CDC123: variants seen among roughly 807,000 people sequenced by gnomAD.
The protein encoded by CDC123 is cell division cycle 123.
Under a neutral mutation model 54.4 loss-of-function variants are expected in CDC123, and 37 were observed. That is an observed-to-expected ratio of 0.68 (90% CI 0.52 to 0.89). CDC123 has a LOEUF of 0.89. Among genes scored for constraint, CDC123 ranks in the 40% least tolerant of loss-of-function variants. The probability of loss-of-function intolerance (pLI) is 0.00; values close to 1 mark genes in which losing one functional copy is unlikely to be tolerated. For synonymous variants in CDC123, 144 were observed against 136.8 expected, an observed-to-expected ratio of 1.05 and a Z score of -0.37; for missense variants, 361 against 412.1, an observed-to-expected ratio of 0.88 and a Z score of 1.07.
chr10:12,246,725 A>C (rs1201296231), intron 11 of CDC123: 1 of 154,264 alleles, frequency 6.5e-6, no homozygotes, highest in African/African-American at 2.4e-5. Context: ...TCCTCTCAGC[A>C]GATGATTTAA....
At chr10:12,223,612 A>T (rs991630334) in intron 6 of CDC123, among the ~76,000 whole-genome samples, 8 of 152,330 alleles carry the variant, frequency 5.3e-5, no homozygotes, top group African/African-American at 1.7e-4. Flanking sequence ...GTCCACAAAA[A>T]ATAGCATGTC....
rs1262430778 is a variant in CDC123, at chr10:12,196,238, G to C, written c.-8G>C. 7 of 1,613,838 alleles carry C rather than the reference G, an allele frequency of 4.3e-6. No homozygotes were observed. Among genetic ancestry groups the C allele is most frequent in the African/African-American group, 1.3e-5 (1 of 74,914 alleles). On this transcript the variant is annotated 5_prime_UTR_variant, in exon 1 of 13. Transcript: ENST00000281141. ...AGAGGGAAAGGCAGCAGCGGCGGCAGCTGGAGGATGAAGAAGGAGCATGTG... is the reference window on the plus strand; with the variant it reads ...AGAGGGAAAGGCAGCAGCGGCGGCACCTGGAGGATGAAGAAGGAGCATGTG...
chr10:12,237,697 G>A (rs1032651922), intron 9 of CDC123, among the ~76,000 whole-genome samples: 4 of 152,168 alleles, frequency 2.6e-5, no homozygotes, highest in Admixed American at 6.5e-5. Context: ...GCCTCACAGT[G>A]TGCTGGGATT....
chr10:12,219,505 C>T (rs187531565), intron 6 of CDC123, among the ~76,000 whole-genome samples: 1 of 152,186 alleles, frequency 6.6e-6, no homozygotes, highest in African/African-American at 2.4e-5. Context: ...GTTGTGTTGG[C>T]ACAGGTGTTG....
chr10:12,218,530 C>T (rs1455297764), intron 6 of CDC123, among the ~76,000 whole-genome samples: 8 of 152,172 alleles, frequency 5.3e-5, no homozygotes, highest in South Asian at 2.1e-4. Flanking sequence ...TGAGCCACCA[C>T]GCCAAGCCTG....
At chr10:12,233,059 G>A (rs1301111602) in intron 7 of CDC123, among the ~76,000 whole-genome samples, 1 of 151,976 alleles carries the variant, frequency 6.6e-6, no homozygotes, top group Non-Finnish European at 1.5e-5. Context: ...CTTTCTCTGA[G>A]GCACAGTCTT....
Position 12,230,982 on chromosome 10 carries a change from T to A in CDC123, c.475T>A (p.Cys159Ser). Residue 159 changes from cysteine to serine, a missense_variant, in exon 7 of 13, where the codon TGT becomes AGT. Transcript: ENST00000281141. ...IHCTDDSPDP[C>S]IEYELVLRKW... ...TTGTACTGATGATTCTCCAGATCCATGTATAGAATATGAGGTAAGAAGCTT... is the reference window on the plus strand; with the variant it reads ...TTGTACTGATGATTCTCCAGATCCAAGTATAGAATATGAGGTAAGAAGCTT... 1 of 1,611,096 alleles carries A rather than the reference T, an allele frequency of 6.2e-7. No individual in the cohort carries two copies. Among genetic ancestry groups the A allele is most frequent in the Non-Finnish European group, 8.5e-7 (1 of 1,178,782 alleles).
At chr10:12,229,024 C>T (rs944155084) in intron 6 of CDC123, among the ~76,000 whole-genome samples, 6 of 152,150 alleles carry the variant, frequency 3.9e-5, no homozygotes, top group Non-Finnish European at 7.4e-5. Context: ...CTGCCCCCTC[C>T]CTTTCAGTGA....
Position 12,237,242 on chromosome 10 carries a change from C to T in CDC123, c.664C>T (p.Gln222Ter). 1.3e-6 allele frequency: 2 copies of T among 1,574,676 alleles called. No homozygotes were observed. The highest frequency in any genetic ancestry group is 1.7e-6 in the Non-Finnish European group (2 of 1,167,616). ...CIQDFFKKHIQYKFLDEDFVF... is the reference protein window; with the variant it reads ...CIQDFFKKHI ...ACAAGACTTTTTCAAGAAACACATA[C>T]AGTACAAATTCTTAGATGAAGACTG... The change falls in exon 9 of 13, where the codon CAG (glutamine) becomes TAG (stop). Residue 222 changes from glutamine to a stop codon, truncating the protein, a stop_gained. Coordinates refer to ENST00000281141, the MANE Select transcript of CDC123 (RefSeq NM_006023.3). LOFTEE classifies it high-confidence loss of function.
chr10:12,239,753 A>G (rs2131763870), intron 10 of CDC123, among the ~76,000 whole-genome samples: 1 of 150,896 alleles, frequency 6.6e-6, no homozygotes, highest in Non-Finnish European at 1.5e-5. Flanking sequence ...TCACACCTGT[A>G]ATCCCAGCAC....
intron 7 of CDC123, among the ~76,000 whole-genome samples, chr10:12,234,175 A>C (rs543726440): frequency 1.3e-5 from 2 of 152,200 alleles, no homozygotes; most frequent in East Asian, 3.9e-4. Context: ...GCTCACTGCA[A>C]CCTCCGCTTC....
intron 6 of CDC123, among the ~76,000 whole-genome samples, chr10:12,229,247 A>C (rs1255223518): frequency 1.3e-5 from 2 of 152,216 alleles, no homozygotes; most frequent in Non-Finnish European, 2.9e-5. Context: ...ACCTGTGAAC[A>C]CAGTGATATT....
intron 6 of CDC123, among the ~76,000 whole-genome samples, chr10:12,229,954 G>A (rs896886247): frequency 6.6e-6 from 1 of 150,884 alleles, no homozygotes; most frequent in Admixed American, 6.6e-5. Context: ...CAACAAGAAC[G>A]TGGACAATGA....
chr10:12,208,168 T>C (rs139506953), intron 2 of CDC123, among the ~76,000 whole-genome samples: 177 of 152,342 alleles, frequency 1.2e-3, no homozygotes, highest in South Asian at 2.7e-3. Flanking sequence ...AATCTTCCTT[T>C]TCCTTTTCTT....
chr10:12,196,289 AC>A lies in CDC123; in HGVS notation c.47del (p.Pro16ArgfsTer19). The A allele has an allele frequency of 3.7e-6, 6 of 1,613,726 alleles. No homozygotes were observed. The highest frequency in any genetic ancestry group is 5.1e-6 in the Non-Finnish European group (6 of 1,179,818). On this transcript the variant is annotated frameshift_variant, in exon 1 of 13. Coordinates refer to ENST00000281141, the MANE Select transcript of CDC123 (RefSeq NM_006023.3). LOFTEE classifies it high-confidence loss of function. ...CTTCACTGCCAGTTCTCCGCGTGGT[AC>A]CCGTTCTTCCGAGGCGTTACCATCA... ...HVLHCQFSAWYPFFRGVTIKS... is the reference protein window; with the variant it reads ...HVLHCQFSAWXPFFRGVTIKS...
chr10:12,220,327 G>A (rs1220483385), intron 6 of CDC123, among the ~76,000 whole-genome samples: 1 of 152,188 alleles, frequency 6.6e-6, no homozygotes, highest in African/African-American at 2.4e-5. Flanking sequence ...TGATGTTCCA[G>A]TGGATGGTAT....
In CDC123 at chr10:12,230,981, A is replaced by G. The variant is rs370301516; in HGVS notation, c.474A>G (p.Pro158=). ...FIHCTDDSPD[P]CIEYELVLRK... ...ATTGTACTGATGATTCTCCAGATCC[A>G]TGTATAGAATATGAGGTAAGAAGCT... The change falls in exon 7 of 13, where the codon CCA becomes CCG. Residue 158 remains proline, a synonymous_variant. Transcript: ENST00000281141. 3.7e-6 allele frequency: 6 copies of G among 1,611,156 alleles called. No individual in the cohort carries two copies. Among genetic ancestry groups the G allele is most frequent in the Non-Finnish European group, 4.2e-6 (5 of 1,178,830 alleles).
At chr10:12,222,208 A>G (rs1835746078) in intron 6 of CDC123, among the ~76,000 whole-genome samples, 1 of 152,252 alleles carries the variant, frequency 6.6e-6, no homozygotes, top group Admixed American at 6.5e-5. Flanking sequence ...GGAATCCTGG[A>G]GGGTAGACAG....
At chr10:12,242,379 T>C (rs1474592225) in intron 10 of CDC123, among the ~76,000 whole-genome samples, 3 of 152,214 alleles carry the variant, frequency 2.0e-5, no homozygotes, top group Non-Finnish European at 4.4e-5. Context: ...CAAAATACCC[T>C]GCACATTGCC....
Sources: gnomAD v4.1 joint callset for allele counts (sites outside exome capture counted in the v4.1 genomes callset) on GRCh38, gnomAD v4.1.1 for gene constraint, MANE v1.5 for transcripts, NCBI Gene and HGNC (gene_info 2026-07-23, HGNC 2026-07-21) for gene names.